The following DLG2 variants were observed in gnomAD, a reference collection of about 807,000 sequenced individuals.
DLG2 encodes discs large MAGUK scaffold protein 2, also known as disks large homolog 2.
Under a neutral mutation model 132.5 loss-of-function variants are expected in DLG2, and 45 were observed. The observed-to-expected ratio is 0.34, with a 90% CI of 0.27 to 0.44. The LOEUF is 0.44. DLG2 is among the 20% of genes least tolerant of loss of function. The pLI, the probability that DLG2 is intolerant of heterozygous loss-of-function variation, is 1.00. For synonymous variants in DLG2, 424 were observed against 419.6 expected, an observed-to-expected ratio of 1.01 and a Z score of -0.13; for missense variants, 1,045 against 1,196.9, an observed-to-expected ratio of 0.87 and a Z score of 1.87.
At chr11:85,527,351 C>T (rs1001943805) in intron 3 of DLG2, among the ~76,000 whole-genome samples, 1 of 151,872 alleles carries the variant, frequency 6.6e-6, no homozygotes, top group Non-Finnish European at 1.5e-5. Flanking sequence ...CCCCTTGCGC[C>T]CCACCCCTCA....
intron 16 of DLG2, 138 bp from the exon 17 acceptor site, chr11:83,833,908 A>G: frequency 1.2e-6 from 1 of 865,006 alleles, no homozygotes; most frequent in African/African-American, 1.7e-5. Flanking sequence ...ACATTTGCAC[A>G]TCAAGAAAGA....
At chr11:85,474,857 G>C (rs975815668) in intron 3 of DLG2, among the ~76,000 whole-genome samples, 1 of 151,336 alleles carries the variant, frequency 6.6e-6, no homozygotes, top group African/African-American at 2.4e-5. Context: ...TGAAGTTTTA[G>C]AGTAGTATTA....
intron 6 of DLG2, among the ~76,000 whole-genome samples, chr11:84,778,817 A>C (rs929837655): frequency 6.6e-6 from 1 of 152,182 alleles, no homozygotes; most frequent in Non-Finnish European, 1.5e-5. Flanking sequence ...ATTATGTGTG[A>C]GCACCATCCA....
At chr11:84,818,263 T>C (rs544668932) in intron 6 of DLG2, among the ~76,000 whole-genome samples, 9 of 152,134 alleles carry the variant, frequency 5.9e-5, no homozygotes, top group South Asian at 4.1e-4. Context: ...CTATTCTTCC[T>C]ATGCCTAGCA....
At chr11:84,445,889 C>A (rs909019825) in intron 7 of DLG2, among the ~76,000 whole-genome samples, 3 of 128,202 alleles carry the variant, frequency 2.3e-5, no homozygotes, top group Non-Finnish European at 4.6e-5. Flanking sequence ...GCACTCCAGG[C>A]TGGGCGACAG....
chr11:85,069,400 G>A (rs538451517), intron 6 of DLG2, among the ~76,000 whole-genome samples: 12 of 151,980 alleles, frequency 7.9e-5, no homozygotes, highest in Admixed American at 1.3e-4. Context: ...TGCAAGCTAC[G>A]CATCTGACAA....
chr11:85,064,600 G>A (rs2064611929), intron 6 of DLG2, among the ~76,000 whole-genome samples: 1 of 151,780 alleles, frequency 6.6e-6, no homozygotes, highest in Non-Finnish European at 1.5e-5. Context: ...ATGTAGGAAA[G>A]GGGTGCGATA....
intron 4 of DLG2, among the ~76,000 whole-genome samples, chr11:85,225,409 C>T (rs567666279): frequency 7.2e-5 from 11 of 152,106 alleles, no homozygotes; most frequent in African/African-American, 2.7e-4. Context: ...ACAAACTTCC[C>T]GATCTTTCCT....
chr11:84,943,576 C>T (rs2049782165), intron 6 of DLG2, among the ~76,000 whole-genome samples: 1 of 152,110 alleles, frequency 6.6e-6, no homozygotes, highest in Non-Finnish European at 1.5e-5. Context: ...CTGATGACAA[C>T]ACAATTGCAA....
chr11:83,615,506 T>C (rs555474231), intron 19 of DLG2, among the ~76,000 whole-genome samples: 11 of 152,182 alleles, frequency 7.2e-5, no homozygotes, highest in Non-Finnish European at 1.3e-4. Context: ...CTGGAATCTG[T>C]AATATGTTCC....
intron 3 of DLG2, among the ~76,000 whole-genome samples, chr11:85,294,065 G>T (rs567839965): frequency 2.4e-4 from 37 of 151,896 alleles, no homozygotes; most frequent in African/African-American, 8.2e-4. Context: ...AACATGATGA[G>T]AACCCGTATC....
intron 19 of DLG2, among the ~76,000 whole-genome samples, chr11:83,586,250 T>G (rs1480979884): frequency 6.6e-6 from 1 of 152,260 alleles, no homozygotes; most frequent in African/African-American, 2.4e-5. Context: ...GGAGTAAACT[T>G]AAGTGTCATT....
intron 7 of DLG2, among the ~76,000 whole-genome samples, chr11:84,471,857 A>C (rs2099109251): frequency 6.6e-6 from 1 of 151,880 alleles, no homozygotes; most frequent in Non-Finnish European, 1.5e-5. Flanking sequence ...ACTGGTGTTA[A>C]GATAAAACTC....
At chr11:84,993,189 A>C (rs189315115) in intron 6 of DLG2, among the ~76,000 whole-genome samples, 75 of 152,228 alleles carry the variant, frequency 4.9e-4, no homozygotes, top group Non-Finnish European at 9.1e-4. Context: ...ACACATTCTC[A>C]CTCATAAGTG....
chr11:84,610,075 T>C (rs1308498800), intron 6 of DLG2, among the ~76,000 whole-genome samples: 3 of 152,084 alleles, frequency 2.0e-5, no homozygotes, highest in Non-Finnish European at 2.9e-5. Context: ...GCAATATTAA[T>C]AATAGCAAAC....
chr11:83,509,248 G>C (rs1341899665), intron 21 of DLG2, among the ~76,000 whole-genome samples: 1 of 152,118 alleles, frequency 6.6e-6, no homozygotes, highest in Non-Finnish European at 1.5e-5. Flanking sequence ...ATCTGACCTT[G>C]GACTAGTTAT....
intron 3 of DLG2, among the ~76,000 whole-genome samples, chr11:85,505,591 A>T (rs1056389317): frequency 1.3e-5 from 2 of 151,988 alleles, no homozygotes; most frequent in African/African-American, 4.8e-5. Flanking sequence ...GGTGGATAAG[A>T]TTTCTGATGT....
chr11:84,772,487 A>G (rs2069600512), intron 6 of DLG2, among the ~76,000 whole-genome samples: 1 of 152,206 alleles, frequency 6.6e-6, no homozygotes. Context: ...CAACCACAGA[A>G]TATACATTCT....
chr11:84,182,647 T>C (rs900958475), intron 8 of DLG2, among the ~76,000 whole-genome samples: 12 of 152,052 alleles, frequency 7.9e-5, no homozygotes, highest in African/African-American at 2.4e-4. Context: ...TGTATATAAA[T>C]GAAGAAACAT....
Sources: allele counts gnomAD v4.1 joint callset (sites outside exome capture counted in the v4.1 genomes callset), GRCh38; gene constraint gnomAD v4.1.1; transcripts MANE v1.5; gene names NCBI Gene and HGNC (gene_info 2026-07-23, HGNC 2026-07-21).